The following SORCS2 variants were observed in gnomAD, a reference collection of about 807,000 sequenced individuals.
SORCS2 encodes sortilin related VPS10 domain containing receptor 2, also known as VPS10 domain-containing receptor SorCS2.
A neutral mutation model predicts 141.6 loss-of-function variants in SORCS2; 100 were observed. That is an observed-to-expected ratio of 0.71 (90% CI 0.60 to 0.83). SORCS2 has a LOEUF of 0.83. Among genes scored for constraint, SORCS2 ranks in the 40% least tolerant of loss-of-function variants. The pLI is 0.00. For missense variants in SORCS2, 1,646 were observed against 1,560.2 expected, an observed-to-expected ratio of 1.05 and a Z score of -0.93; for synonymous variants, 789 against 676.9, an observed-to-expected ratio of 1.17 and a Z score of -2.57.
chr4:7,302,788 TGCGCGC>T (rs151172912), intron 1 of SORCS2, among the ~76,000 whole-genome samples: 4 of 126,334 alleles, frequency 3.2e-5, no homozygotes, highest in African/African-American at 8.4e-5. Context: ...TGTGTGTGTG[TGCGCGC>T]GCGTGTGTGT....
chr4:7,623,170 T>C (rs4689802), intron 3 of SORCS2, among the ~76,000 whole-genome samples: 148,440 of 152,174 alleles, frequency 0.98, 72,501 homozygotes, highest in East Asian at 1. Context: ...GACACACCAA[T>C]GCCCTGCCTT....
intron 1 of SORCS2, among the ~76,000 whole-genome samples, chr4:7,345,641 A>G (rs1720611818): frequency 6.6e-6 from 1 of 152,192 alleles, no homozygotes; most frequent in Admixed American, 6.5e-5. Context: ...TGTGAGATGC[A>G]ATGACCTTTA....
chr4:7,734,738 A>C (rs1712024068), intron 25 of SORCS2, among the ~76,000 whole-genome samples: 2 of 152,182 alleles, frequency 1.3e-5, no homozygotes, highest in South Asian at 4.1e-4. Flanking sequence ...GCCCAAGGTA[A>C]CACAGACGGC....
chr4:7,725,084 T>A, intron 19 of SORCS2, 70 bp from the exon 20 acceptor site: 1 of 1,531,402 alleles, frequency 6.5e-7, no homozygotes, highest in Non-Finnish European at 8.8e-7. Context: ...GTGACAGTGA[T>A]CACTAAGCAG....
At chr4:7,433,707 G>A (rs1294671673) in intron 2 of SORCS2, 1 of 1,613,060 alleles carries the variant, frequency 6.2e-7, no homozygotes, top group Non-Finnish European at 8.5e-7. Context: ...AGCTGCCCTG[G>A]TTCTCCGCGT....
At chr4:7,600,545 C>T (rs1374899609) in intron 3 of SORCS2, among the ~76,000 whole-genome samples, 1 of 152,088 alleles carries the variant, frequency 6.6e-6, no homozygotes, top group Non-Finnish European at 1.5e-5. Flanking sequence ...GAGGCAGAGG[C>T]CTGGGTTGCA....
At chr4:7,628,442 C>G (rs1316273943) in intron 3 of SORCS2, among the ~76,000 whole-genome samples, 1 of 151,066 alleles carries the variant, frequency 6.6e-6, no homozygotes, top group Non-Finnish European at 1.5e-5. Flanking sequence ...TGGCATGAAC[C>G]CGGGAGATGG....
chr4:7,496,933 G>GCA (rs1731667842), intron 2 of SORCS2, among the ~76,000 whole-genome samples: 6 of 152,232 alleles, frequency 3.9e-5, no homozygotes, highest in African/African-American at 7.2e-5. Context: ...CAGTGCCCGT[G>GCA]CAGAGGTTTA....
intron 3 of SORCS2, among the ~76,000 whole-genome samples, chr4:7,544,216 A>G (rs1022907816): frequency 4.6e-5 from 7 of 152,306 alleles, no homozygotes; most frequent in Admixed American, 2.0e-4. Flanking sequence ...TGCATTCATC[A>G]TGCATCAACT....
At chr4:7,387,531 A>T (rs1156837205) in intron 1 of SORCS2, among the ~76,000 whole-genome samples, 3 of 140,460 alleles carry the variant, frequency 2.1e-5, no homozygotes, top group African/African-American at 8.5e-5. Flanking sequence ...ACATATGCAC[A>T]CATGCACACA....
At chr4:7,293,029 C>T (rs937252820) in intron 1 of SORCS2, among the ~76,000 whole-genome samples, 4 of 152,102 alleles carry the variant, frequency 2.6e-5, no homozygotes, top group Admixed American at 6.5e-5. Context: ...TGAGGCTGGG[C>T]GTGGTGGCTC....
chr4:7,468,806 G>A (rs1577614696), intron 2 of SORCS2, among the ~76,000 whole-genome samples: 1 of 152,130 alleles, frequency 6.6e-6, no homozygotes, highest in South Asian at 2.1e-4. Context: ...TCTGACATTC[G>A]GGGGTTTGGG....
At chr4:7,420,483 C>G (rs772467494) in intron 2 of SORCS2, among the ~76,000 whole-genome samples, 33 of 152,134 alleles carry the variant, frequency 2.2e-4, no homozygotes, top group Non-Finnish European at 4.1e-4. Context: ...GGCACAGCAG[C>G]CAGTGGACAT....
intron 1 of SORCS2, among the ~76,000 whole-genome samples, chr4:7,395,097 T>C (rs551458051): frequency 7.1e-6 from 1 of 140,812 alleles, no homozygotes; most frequent in South Asian, 2.1e-4. Flanking sequence ...AATCTGGCCT[T>C]GATTGACAAG....
In SORCS2 at chr4:7,502,001, G is replaced by A. The variant is rs7675764; in HGVS notation, c.549-29529G>A. The stretch of plus-strand genomic sequence containing the variant: ...GGCTTCTGTGGACGCTGAATGGGTC[G>A]TGGTCCCGCCCCTACAGTGCAGTCC... On this transcript the variant is annotated intron_variant, in intron 2 of 26. Transcript: ENST00000507866. Among the ~76,000 whole-genome samples, 911 of 152,262 alleles carry A rather than the reference G, an allele frequency of 6.0e-3. 4 individuals carry two copies. The highest frequency in any genetic ancestry group is 0.02 in the African/African-American group (851 of 41,540).
chr4:7,595,472 C>G (rs1717207256), intron 3 of SORCS2, among the ~76,000 whole-genome samples: 1 of 152,196 alleles, frequency 6.6e-6, no homozygotes, highest in Non-Finnish European at 1.5e-5. Flanking sequence ...AACTCTAACC[C>G]TGCCTTGGTC....
chr4:7,362,698 C>T (rs143677487), intron 1 of SORCS2, among the ~76,000 whole-genome samples: 128 of 150,762 alleles, frequency 8.5e-4, no homozygotes, highest in Non-Finnish European at 1.5e-3. Context: ...ACCATCTCCA[C>T]CATCACTACC....
chr4:7,687,560 C>T (rs1008144987), intron 10 of SORCS2, among the ~76,000 whole-genome samples: 2 of 152,130 alleles, frequency 1.3e-5, no homozygotes, highest in Admixed American at 1.3e-4. Flanking sequence ...TGCCCAGGCT[C>T]CTGCCACCCG....
intron 1 of SORCS2, among the ~76,000 whole-genome samples, chr4:7,257,329 C>A (rs1713961621): frequency 6.8e-6 from 1 of 147,664 alleles, no homozygotes; most frequent in Non-Finnish European, 1.5e-5. Flanking sequence ...TCAGCACCGA[C>A]CTTGGGGAAG....
Sources: gnomAD v4.1 joint callset for allele counts (sites outside exome capture counted in the v4.1 genomes callset) on GRCh38, gnomAD v4.1.1 for gene constraint, MANE v1.5 for transcripts, NCBI Gene and HGNC (gene_info 2026-07-23, HGNC 2026-07-21) for gene names.